Variants in MICU1 observed in about 807,000 individuals in gnomAD.
The protein encoded by MICU1 is calcium uptake protein 1, mitochondrial.
In MICU1, 45 loss-of-function variants were observed where a neutral mutation model predicts 56.8. The ratio of observed to expected loss-of-function variants is 0.79; its 90% CI spans 0.62 to 1.02. MICU1 has a LOEUF of 1.02. MICU1 is among the 50% of genes least tolerant of loss of function. The pLI is 0.00. For missense variants in MICU1, 504 were observed against 587.1 expected (o/e 0.86, Z 1.46); for synonymous variants, 186 against 195.1 (o/e 0.95, Z 0.39).
chr10:72,431,196 T>A (rs886424738), intron 8 of MICU1, among the ~76,000 whole-genome samples: 5 of 152,016 alleles, frequency 3.3e-5, no homozygotes, highest in African/African-American at 1.2e-4. Flanking sequence ...AGTGGTGTGA[T>A]CTTGGCTCGC....
At chr10:72,569,237 A>ATTTATTTTTTTTTTTTTT in intron 1 of MICU1, among the ~76,000 whole-genome samples, 1 of 34,380 alleles carries the variant, frequency 2.9e-5, no homozygotes, top group African/African-American at 1.1e-4. Flanking sequence ...ATATATATAT[A>ATTTATTTTTTTTTTTTTT]TTTTTTTTTT....
At chr10:72,390,733 T>C (rs1365972846) in intron 10 of MICU1, among the ~76,000 whole-genome samples, 3 of 151,902 alleles carry the variant, frequency 2.0e-5, no homozygotes, top group African/African-American at 7.3e-5. Flanking sequence ...TATTCCTGTC[T>C]CTACTCTGGC....
rs578019162 is a variant in MICU1, at chr10:72,431,090, G to GTCTA, written c.934-7720_934-7719insTAGA. On this transcript the variant is annotated intron_variant, in intron 8 of 11. Coordinates refer to ENST00000361114, the MANE Select transcript of MICU1 (RefSeq NM_001195518.2). ...TACTGCTTTGAATATACCTTTATCT[G>GTCTA]TCTGTCTATCTATCTATCTATCTAT... 7.8e-3 allele frequency among the ~76,000 whole-genome samples: 800 copies of GTCTA among 101,972 alleles called. 5 individuals carry two copies. The highest frequency in any genetic ancestry group is 0.013 in the Admixed American group (134 of 10,182). 66.9% of individuals were successfully genotyped at this position (101,972 alleles called of 152,430 possible). A position where few individuals can be genotyped will look rare whatever the true frequency, so the allele number is the denominator to read the frequency against.
At chr10:72,460,480 G>A (rs1032577378) in intron 8 of MICU1, among the ~76,000 whole-genome samples, 3 of 152,154 alleles carry the variant, frequency 2.0e-5, no homozygotes, top group Non-Finnish European at 2.9e-5. Context: ...GAGATTATGG[G>A]TGGGGAGGGA....
chr10:72,523,920 CAAA>C, intron 5 of MICU1: 1 of 1,483,528 alleles, frequency 6.7e-7, no homozygotes, highest in South Asian at 1.4e-5. Flanking sequence ...CTCAGAAAAG[CAAA>C]ATAATAAAGT....
intron 10 of MICU1, among the ~76,000 whole-genome samples, chr10:72,381,999 CACACACAT>C (rs1253099740): frequency 6.7e-6 from 1 of 148,246 alleles, no homozygotes; most frequent in African/African-American, 2.6e-5. Flanking sequence ...CACACACACA[CACACACAT>C]TAAGATGGAG....
rs369520049 is a variant in MICU1 at position 72,398,405 on chromosome 10, G to T, written c.1180+9524C>A. On this transcript the variant is annotated intron_variant, in intron 10 of 11. Coordinates refer to ENST00000361114, the MANE Select transcript of MICU1 (RefSeq NM_001195518.2). ...ACTAGAGAAGCAAGAGCAAACAAAT[G>T]CAAAAGCTAGCAGAAGGCAAGAAAT... is the stretch of plus-strand genomic sequence containing the variant. 5.2e-4 allele frequency among the ~76,000 whole-genome samples: 78 copies of T among 151,420 alleles called. 1 individual carries two copies. The highest frequency in any genetic ancestry group is 6.8e-3 in the Middle Eastern group (2 of 294).
chr10:72,608,496 ACAT>A (rs1228285372), intron 1 of MICU1, among the ~76,000 whole-genome samples: 1 of 152,268 alleles, frequency 6.6e-6, no homozygotes, highest in Non-Finnish European at 1.5e-5. Context: ...AAGATGCTCA[ACAT>A]CATCAATCAT....
intron 10 of MICU1, among the ~76,000 whole-genome samples, chr10:72,401,526 C>T (rs181651713): frequency 8.0e-4 from 122 of 152,228 alleles, no homozygotes; most frequent in African/African-American, 1.4e-3. Flanking sequence ...TGGTGGCACG[C>T]ACCTATAGTC....
intron 3 of MICU1, among the ~76,000 whole-genome samples, chr10:72,556,331 A>G (rs529231496): frequency 6.6e-6 from 1 of 152,166 alleles, no homozygotes; most frequent in Non-Finnish European, 1.5e-5. Flanking sequence ...CATAAATTCC[A>G]ATATTAACAT....
rs181103060 is a variant in MICU1 at position 72,385,193 on chromosome 10, T to A, written c.1181-9321A>T. Among the ~76,000 whole-genome samples, 4 of 152,018 alleles carry A rather than the reference T, an allele frequency of 2.6e-5. No individual in the cohort carries two copies. The East Asian group carries it at 7.7e-4, about 29-fold the overall frequency. ...TCAGCAAGTCATTTCCCTTTATGAA[T>A]GTTAAAAACAAGCAGGCCGGGCACA... On this transcript the variant is annotated intron_variant, in intron 10 of 11. Transcript: ENST00000361114.
At chr10:72,519,924 G>A (rs748267318) in intron 5 of MICU1, among the ~76,000 whole-genome samples, 6 of 152,160 alleles carry the variant, frequency 3.9e-5, no homozygotes, top group Non-Finnish European at 7.4e-5. Flanking sequence ...TATAGAAAAT[G>A]TGATGAAGAA....
At chr10:72,540,705 T>C (rs767987398) in intron 4 of MICU1, among the ~76,000 whole-genome samples, 6 of 152,210 alleles carry the variant, frequency 3.9e-5, no homozygotes, top group Non-Finnish European at 8.8e-5. Context: ...ACTGGCATGG[T>C]AGATTAGATT....
intron 1 of MICU1, among the ~76,000 whole-genome samples, chr10:72,580,263 T>G (rs964094128): frequency 6.6e-6 from 1 of 152,148 alleles, no homozygotes; most frequent in Admixed American, 6.5e-5. Flanking sequence ...ATGATGTAAT[T>G]AATACCCACT....
intron 1 of MICU1, among the ~76,000 whole-genome samples, chr10:72,589,194 C>T (rs1486547010): frequency 6.6e-6 from 1 of 151,764 alleles, no homozygotes; most frequent in Non-Finnish European, 1.5e-5. Context: ...GAGGCCAAGG[C>T]AGGAGAATTG....
chr10:72,456,385 G>A (rs564896492), intron 8 of MICU1, among the ~76,000 whole-genome samples: 1 of 152,292 alleles, frequency 6.6e-6, no homozygotes, highest in African/African-American at 2.4e-5. Flanking sequence ...CAGAAGTGAT[G>A]GAATGCCACT....
At chr10:72,500,575 G>T (rs1867037821) in intron 6 of MICU1, among the ~76,000 whole-genome samples, 1 of 151,764 alleles carries the variant, frequency 6.6e-6, no homozygotes, top group African/African-American at 2.4e-5. Context: ...TCCTGCCTCA[G>T]CCTCCCAAAG....
chr10:72,493,364 ATTTAT>A (rs1294741411), intron 6 of MICU1, among the ~76,000 whole-genome samples: 1 of 152,110 alleles, frequency 6.6e-6, no homozygotes, highest in African/African-American at 2.4e-5. Flanking sequence ...CATTGCACAG[ATTTAT>A]TTTAACTGGT....
At chr10:72,490,907 T>C (rs192701242) in intron 6 of MICU1, among the ~76,000 whole-genome samples, 1 of 152,308 alleles carries the variant, frequency 6.6e-6, no homozygotes, top group East Asian at 1.9e-4. Context: ...TCCCCTCAAT[T>C]TGTCTTCGTC....
Sources: gnomAD v4.1 joint callset for allele counts (sites outside exome capture counted in the v4.1 genomes callset) on GRCh38, gnomAD v4.1.1 for gene constraint, MANE v1.5 for transcripts, NCBI Gene and HGNC (gene_info 2026-07-23, HGNC 2026-07-21) for gene names.